The following NEB variants were observed in gnomAD, a reference collection of about 807,000 sequenced individuals.
The protein encoded by NEB is nebulin.
A neutral mutation model predicts 952.2 loss-of-function variants in NEB; 512 were observed. The ratio of observed to expected loss-of-function variants is 0.54; its 90% confidence interval spans 0.50 to 0.58. The LOEUF (loss-of-function observed/expected upper bound fraction) is 0.58. Ranked by LOEUF, NEB falls within the 20% of genes least tolerant of loss-of-function variation. The pLI is 0.00. For synonymous variants in NEB, 2,900 were observed against 3,149.8 expected (o/e 0.92, Z 2.66); for missense variants, 8,428 against 9,231.1 (o/e 0.91, Z 3.56).
Position 151,720,137 on chromosome 2 carries a change from G to A in NEB, c.718-2617C>T, listed in dbSNP as rs181338522. Reference sequence around the variant, plus strand: ...GGAGAATAATCTGATTTTTAAAAAAGTAAAAAAAAAAAGTTCAGTATTCTG... The same window carrying A: ...GGAGAATAATCTGATTTTTAAAAAAATAAAAAAAAAAAGTTCAGTATTCTG... On this transcript the variant is annotated intron_variant, in intron 9 of 181. Transcript: ENST00000397345. 3.2e-3 allele frequency among the ~76,000 whole-genome samples: 473 copies of A among 149,778 alleles called. 2 individuals are homozygous for A. Among genetic ancestry groups the A allele is most frequent in the Non-Finnish European group, 4.9e-3 (329 of 67,682 alleles).
At position 151,685,994 on chromosome 2, in the gene NEB, T is replaced by C. The variant is rs76926856; in HGVS notation, c.2638-1019A>G. Among the ~76,000 whole-genome samples, 1,496 of 152,332 alleles carry C rather than the reference T, an allele frequency of 9.8e-3. 31 individuals carry two copies. Among genetic ancestry groups the C allele is most frequent in the East Asian group, 0.062 (324 of 5,190 alleles). ...TGATCATTTTCACTGAATACATTTA[T>C]TATTTAACTATAAAATTGAGACCCT... On this transcript the variant is annotated intron_variant, in intron 27 of 181. Coordinates refer to ENST00000397345, the MANE Select transcript of NEB (RefSeq NM_001164508.2).
intron 3 of NEB, among the ~76,000 whole-genome samples, chr2:151,730,588 A>C (rs2099804278): frequency 6.6e-6 from 1 of 150,636 alleles, no homozygotes; most frequent in Admixed American, 6.6e-5. Flanking sequence ...AAAGGGATAA[A>C]GATGAAACAC....
At chr2:151,540,831 A>G (rs939773602) in intron 136 of NEB, 30 bp from the exon 137 acceptor site, 9 of 1,537,094 alleles carry the variant, frequency 5.9e-6, no homozygotes, top group Non-Finnish European at 3.6e-6. Context: ...GAGGTGTCAT[A>G]GAGATAAAGC....
In NEB at chr2:151,541,567, G is replaced by A. The variant is rs748065575; in HGVS notation, c.20578-16C>T. On this transcript the variant is annotated splice_polypyrimidine_tract_variant and intron_variant, in intron 135 of 181. Transcript: ENST00000397345. ...TGTAGACCAGCTAGACATAAACCAA[G>A]TTATCACCATCATTTCTGTTTCATG... 1.3e-6 allele frequency: 2 copies of A among 1,589,546 alleles called. No individual in the cohort carries two copies. The highest frequency in any genetic ancestry group is 2.2e-5 in the South Asian group (2 of 90,292).
chr2:151,566,316 C>T (rs886676735), intron 114 of NEB, among the ~76,000 whole-genome samples: 4 of 152,252 alleles, frequency 2.6e-5, no homozygotes, highest in East Asian at 3.9e-4. Context: ...CTTGCCCTTA[C>T]GCCTTCAAGA....
intron 79 of NEB, 65 bp downstream of exon 79, chr2:151,610,697 T>C: frequency 6.3e-7 from 1 of 1,578,932 alleles, no homozygotes; most frequent in South Asian, 1.1e-5. Context: ...AGAAAGGAAA[T>C]TGTTACGGTG....
At chr2:151,527,684 A>G (rs569301301) in intron 146 of NEB, 99 bp from the exon 147 acceptor site, 1 of 795,598 alleles carries the variant, frequency 1.3e-6, no homozygotes, top group South Asian at 1.7e-5. Flanking sequence ...AAAACATCTC[A>G]AATCATGATT....
At chr2:151,678,275 T>C (rs185744543) in intron 32 of NEB, 88 bp from the exon 33 acceptor site, 173 of 779,038 alleles carry the variant, frequency 2.2e-4, no homozygotes, top group South Asian at 4.2e-4. Context: ...TAATTGAGCT[T>C]CCCAAAAATT....
chr2:151,718,830 T>C (rs1031339518), intron 9 of NEB, among the ~76,000 whole-genome samples: 2 of 152,230 alleles, frequency 1.3e-5, no homozygotes, highest in Admixed American at 1.3e-4. Context: ...CTTGCCCTCC[T>C]TTCTCTCTTC....
At chr2:151,489,842 G>T in intron 181 of NEB, 129 bp downstream of exon 181, 1 of 551,938 alleles carries the variant, frequency 1.8e-6, no homozygotes, top group Non-Finnish European at 3.2e-6. Flanking sequence ...TATGAAACAT[G>T]TAATAAAAGA....
At chr2:151,624,683 T>G (rs1011339679) in intron 71 of NEB, among the ~76,000 whole-genome samples, 2 of 152,130 alleles carry the variant, frequency 1.3e-5, no homozygotes, top group African/African-American at 4.8e-5. Flanking sequence ...GTACTTAAAT[T>G]TTTCAGTGCT....
chr2:151,493,282 G>T (rs1010790983), intron 176 of NEB, 71 bp downstream of exon 176: 1 of 1,140,164 alleles, frequency 8.8e-7, no homozygotes, highest in African/African-American at 1.5e-5. Context: ...AATGAGAAAG[G>T]CGTGTTTTTA....
intron 157 of NEB, 123 bp from the exon 158 acceptor site, chr2:151,515,051 A>G (rs561474254): frequency 4.7e-6 from 3 of 643,348 alleles, no homozygotes; most frequent in Non-Finnish European, 8.1e-6. Flanking sequence ...TAGTTCTGCT[A>G]ATGGTCACAC....
chr2:151,639,016 CA>C (rs1035198437), intron 63 of NEB, among the ~76,000 whole-genome samples: 1 of 151,798 alleles, frequency 6.6e-6, no homozygotes, highest in Non-Finnish European at 1.5e-5. Flanking sequence ...ATCCTAACTT[CA>C]AAAAAATAAT....
chr2:151,633,561 C>G, intron 65 of NEB, 93 bp downstream of exon 65: 1 of 1,458,810 alleles, frequency 6.9e-7, no homozygotes, highest in Non-Finnish European at 9.2e-7. Context: ...ACCAATCAAT[C>G]TTAACTTGAG....
chr2:151,643,989 C>T lies in NEB; in HGVS notation c.7785G>A (p.Lys2595=). ...CTGGGCTGCTGAACTTGGTCTTCCA[C>T]TTCTCAAAGTCCTTCTTGTACTCCC... ...SDREYKKDFE[K]WKTKFSSPVD... is the part of the protein sequence containing the mutation. Residue 2595 remains lysine (K), a synonymous_variant, in exon 57 of 182, where the codon AAG becomes AAA. Transcript: ENST00000397345. 1 of 1,614,008 alleles carries T rather than the reference C, an allele frequency of 6.2e-7. No individual in the cohort carries two copies. Among genetic ancestry groups the T allele is most frequent in the East Asian group, 2.2e-5 (1 of 44,874 alleles).
chr2:151,655,850 C>T lies in NEB; in HGVS notation c.6669G>A (p.Val2223=). ...FKKLTDSMDM[V]LAKQNAHTMN... ...TGGTATGTGCATTCTGCTTGGCAAG[C>T]ACCATGTCCATGGAATCAGTCAGCT... is the stretch of plus-strand genomic sequence containing the variant. The change falls in exon 50 of 182, where the codon GTG becomes GTA. Residue 2223 remains valine (V), a synonymous_variant. Transcript: ENST00000397345. 6.2e-7 allele frequency: 1 copy of T among 1,613,692 alleles called. No individual in the cohort carries two copies. The highest frequency in any genetic ancestry group is 1.1e-5 in the South Asian group (1 of 91,080).
intron 78 of NEB, among the ~76,000 whole-genome samples, chr2:151,611,671 G>A (rs983481832): frequency 4.6e-5 from 7 of 152,206 alleles, no homozygotes; most frequent in Non-Finnish European, 1.0e-4. Context: ...CATCTATCTT[G>A]TGTAATAAAA....
intron 124 of NEB, 87 bp downstream of exon 124, chr2:151,560,505 G>T: frequency 1.9e-6 from 2 of 1,030,046 alleles, no homozygotes; most frequent in South Asian, 1.4e-5. Context: ...TCTGGACAAC[G>T]TATGAATCAG....
Sources: gnomAD v4.1 joint callset for allele counts (sites outside exome capture counted in the v4.1 genomes callset) on GRCh38, gnomAD v4.1.1 for gene constraint, MANE v1.5 for transcripts, NCBI Gene and HGNC (gene_info 2026-07-23, HGNC 2026-07-21) for gene names.